The following HECW1 variants were observed in gnomAD, a reference collection of about 807,000 sequenced individuals.
HECW1 encodes HECT, C2 and WW domain containing E3 ubiquitin protein ligase 1, also known as E3 ubiquitin-protein ligase HECW1.
A neutral mutation model predicts 182.3 loss-of-function variants in HECW1; 61 were observed. The ratio of observed to expected loss-of-function variants is 0.33; its 90% CI spans 0.27 to 0.41. HECW1 has a LOEUF of 0.41. Among genes scored for constraint, HECW1 ranks in the 10% least tolerant of loss-of-function variants. The probability of loss-of-function intolerance (pLI) is 1.00; values close to 1 mark genes in which losing one functional copy is unlikely to be tolerated. For missense variants in HECW1, 1,739 were observed against 2,108.9 expected (o/e 0.82, Z 3.44); for synonymous variants, 859 against 832.6 (o/e 1.03, Z -0.55).
intron 8 of HECW1, among the ~76,000 whole-genome samples, chr7:43,435,107 C>T (rs575433711): frequency 1.3e-5 from 2 of 151,194 alleles, no homozygotes; most frequent in Non-Finnish European, 2.9e-5. Context: ...AAGCATTTCC[C>T]ATCTTATTAG....
At chr7:43,215,497 A>G (rs1328091104) in intron 2 of HECW1, among the ~76,000 whole-genome samples, 1 of 152,258 alleles carries the variant, frequency 6.6e-6, no homozygotes, top group African/African-American at 2.4e-5. Context: ...TGTAATTGCA[A>G]TTTAAAATTC....
intron 2 of HECW1, among the ~76,000 whole-genome samples, chr7:43,204,326 A>C (rs1464871622): frequency 6.6e-6 from 1 of 152,232 alleles, no homozygotes; most frequent in African/African-American, 2.4e-5. Flanking sequence ...CTCCATGATT[A>C]GTTGGCAGTA....
intron 4 of HECW1, among the ~76,000 whole-genome samples, chr7:43,319,792 T>TTTTTTTTG (rs1809860837): frequency 7.0e-6 from 1 of 143,538 alleles, no homozygotes; most frequent in African/African-American, 2.6e-5. Context: ...TTTTTTTTTT[T>TTTTTTTTG]GGTAGAGACA....
Position 43,206,393 on chromosome 7 carries a change from C to T in HECW1, c.-31-37482C>T, listed in dbSNP as rs190929666. ...GTAAGGGTTGGCCAAAAAGGTCTAC[C>T]GTGCTTTTTTCTGGTCTTTTATTTT... On this transcript the variant is annotated intron_variant, in intron 2 of 29. Coordinates refer to ENST00000395891, the MANE Select transcript of HECW1 (RefSeq NM_015052.5). 2.7e-4 allele frequency among the ~76,000 whole-genome samples: 41 copies of T among 152,230 alleles called. No homozygotes were observed. The South Asian group carries it at 6.6e-3, about 25-fold the overall frequency.
intron 2 of HECW1, among the ~76,000 whole-genome samples, chr7:43,203,024 C>T (rs1795154067): frequency 6.6e-6 from 1 of 151,982 alleles, no homozygotes; most frequent in African/African-American, 2.4e-5. Context: ...AGCCCGCCTG[C>T]CCCCAGGTGA....
chr7:43,497,210 G>T (rs1415920948), intron 19 of HECW1, among the ~76,000 whole-genome samples: 3 of 152,106 alleles, frequency 2.0e-5, no homozygotes, highest in Non-Finnish European at 4.4e-5. Flanking sequence ...CCCTTGAGAT[G>T]CAAAGTGGAG....
chr7:43,526,115 T>C (rs1248291304), intron 24 of HECW1, among the ~76,000 whole-genome samples: 1 of 152,258 alleles, frequency 6.6e-6, no homozygotes, highest in Non-Finnish European at 1.5e-5. Flanking sequence ...CCTCTATCTA[T>C]GCAATTAATT....
chr7:43,545,782 G>A (rs1401946375), intron 26 of HECW1, among the ~76,000 whole-genome samples: 1 of 151,934 alleles, frequency 6.6e-6, no homozygotes, highest in Non-Finnish European at 1.5e-5. Context: ...ATAGGCTGAA[G>A]AGGAGCAGGA....
chr7:43,262,993 A>G (rs1801344515), intron 3 of HECW1, among the ~76,000 whole-genome samples: 1 of 152,222 alleles, frequency 6.6e-6, no homozygotes, highest in African/African-American at 2.4e-5. Context: ...TTTGTATGTA[A>G]TAGTTATATT....
At chr7:43,280,761 C>T (rs761239395) in intron 3 of HECW1, among the ~76,000 whole-genome samples, 3 of 152,016 alleles carry the variant, frequency 2.0e-5, no homozygotes, top group Non-Finnish European at 4.4e-5. Context: ...CAAGACACTG[C>T]CAGAAAAGAA....
chr7:43,447,906 G>A (rs1381945670), intron 11 of HECW1, among the ~76,000 whole-genome samples: 2 of 152,018 alleles, frequency 1.3e-5, no homozygotes, highest in Non-Finnish European at 1.5e-5. Context: ...TGGGTGGATT[G>A]CCTGAGGTCA....
At chr7:43,370,240 T>C (rs1817163684) in intron 6 of HECW1, among the ~76,000 whole-genome samples, 1 of 152,184 alleles carries the variant, frequency 6.6e-6, no homozygotes, top group African/African-American at 2.4e-5. Context: ...AATGGAAAAT[T>C]AGCATATGAA....
intron 6 of HECW1, 146 bp downstream of exon 6, chr7:43,361,126 A>G: frequency 1.8e-6 from 1 of 544,754 alleles, no homozygotes; most frequent in Admixed American, 3.6e-5. Flanking sequence ...ATACTGATAG[A>G]TTGATTATGA....
chr7:43,169,960 T>G lies in HECW1; in HGVS notation c.-32+55569T>G, dbSNP rs118178582. Among the ~76,000 whole-genome samples the G allele has an allele frequency of 7.8e-4, 119 of 152,328 alleles. 3 individuals carry two copies. In the East Asian group the frequency reaches 0.019, roughly 24 times the overall value. Reference sequence around the variant, plus strand: ...ACATGTATAGAGGGTAAGTGATTACTTTGTCTGCCAACATCGTCTTTATCA... The same window carrying G: ...ACATGTATAGAGGGTAAGTGATTACGTTGTCTGCCAACATCGTCTTTATCA... On this transcript the variant is annotated intron_variant, in intron 2 of 29. Coordinates refer to ENST00000395891, the MANE Select transcript of HECW1 (RefSeq NM_015052.5).
chr7:43,307,986 C>A (rs1461450255), intron 3 of HECW1, among the ~76,000 whole-genome samples: 2 of 115,830 alleles, frequency 1.7e-5, no homozygotes, highest in African/African-American at 6.7e-5. Flanking sequence ...TATTATAGAA[C>A]ATATAATATA....
In HECW1 at chr7:43,507,122, T is replaced by C; in HGVS notation, c.3632-15T>C. 2.5e-6 allele frequency: 4 copies of C among 1,611,850 alleles called. No individual in the cohort carries two copies. The highest frequency in any genetic ancestry group is 3.4e-6 in the Non-Finnish European group (4 of 1,178,988). On this transcript the variant is annotated splice_polypyrimidine_tract_variant and intron_variant, in intron 21 of 29. Coordinates refer to ENST00000395891, the MANE Select transcript of HECW1 (RefSeq NM_015052.5). ...AAGAAAGAAAGTGATGACCTCTGTG[T>C]GCTTCTCTCTGCAGGTTTACAGAGA... is the stretch of plus-strand genomic sequence containing the variant.
At chr7:43,394,073 T>C (rs1396361789) in intron 6 of HECW1, among the ~76,000 whole-genome samples, 1 of 152,200 alleles carries the variant, frequency 6.6e-6, no homozygotes, top group Non-Finnish European at 1.5e-5. Context: ...TGATTGTTAA[T>C]TGTCCTGGTG....
chr7:43,472,250 A>T (rs762497834), intron 16 of HECW1, among the ~76,000 whole-genome samples: 32 of 152,182 alleles, frequency 2.1e-4, no homozygotes, highest in Non-Finnish European at 4.1e-4. Context: ...AAAGAAATGC[A>T]AAAACTGAAA....
rs765180606 is a variant in HECW1, at chr7:43,216,445, G to A, written c.-31-27430G>A. Among the ~76,000 whole-genome samples the A allele has an allele frequency of 4.6e-5, 7 of 152,028 alleles. No homozygotes were observed. In the South Asian group the frequency reaches 6.2e-4, roughly 14 times the overall value. Reference sequence around the variant, plus strand: ...AGGTGTGTGCCACCGCATGCCAGCCGAAGCAGGTTTTTAATGCCTTAAAGG... The same window carrying A: ...AGGTGTGTGCCACCGCATGCCAGCCAAAGCAGGTTTTTAATGCCTTAAAGG... On this transcript the variant is annotated intron_variant, in intron 2 of 29. Transcript: ENST00000395891.
Sources: allele counts gnomAD v4.1 joint callset (sites outside exome capture counted in the v4.1 genomes callset), GRCh38; gene constraint gnomAD v4.1.1; transcripts MANE v1.5; gene names NCBI Gene and HGNC (gene_info 2026-07-23, HGNC 2026-07-21).